The following JARID2 variants were observed in gnomAD, a reference collection of about 807,000 sequenced individuals.
JARID2 encodes the protein jumonji and AT-rich interaction domain containing 2, also known as protein Jumonji.
JARID2 carries 21 observed loss-of-function variants against 125.6 expected under a neutral mutation model. That is an observed-to-expected ratio of 0.17 (90% CI 0.12 to 0.24). The LOEUF (loss-of-function observed/expected upper bound fraction) is 0.24, where lower values mean the gene tolerates loss of function less well. Among genes scored for constraint, JARID2 ranks in the 10% least tolerant of loss-of-function variants. The pLI is 1.00. For synonymous variants in JARID2, 736 were observed against 661.6 expected (o/e 1.11, Z -1.73); for missense variants, 1,303 against 1,639.6 (o/e 0.79, Z 3.55).
At chr6:15,408,812 AAC>A (rs1765755708) in intron 2 of JARID2, among the ~76,000 whole-genome samples, 1 of 152,210 alleles carries the variant, frequency 6.6e-6, no homozygotes, top group Admixed American at 6.5e-5. Context: ...CAATCTCTGA[AAC>A]ACTGGCCACG....
chr6:15,316,978 A>T (rs1030048497), intron 1 of JARID2, among the ~76,000 whole-genome samples: 1 of 152,198 alleles, frequency 6.6e-6, no homozygotes, highest in African/African-American at 2.4e-5. Context: ...TACCTTTGTT[A>T]TAGAGTTGCT....
chr6:15,249,654 C>A (rs1757355745), intron 1 of JARID2, among the ~76,000 whole-genome samples: 1 of 152,172 alleles, frequency 6.6e-6, no homozygotes, highest in African/African-American at 2.4e-5. Flanking sequence ...GAAGGCAGCA[C>A]GTTTCCCACA....
chr6:15,377,942 G>A (rs1764425699), intron 2 of JARID2, among the ~76,000 whole-genome samples: 1 of 150,364 alleles, frequency 6.7e-6, no homozygotes, highest in African/African-American at 2.5e-5. Context: ...CTGGAGTACA[G>A]TGGCGCTATC....
intron 1 of JARID2, among the ~76,000 whole-genome samples, chr6:15,276,899 C>A (rs1478507917): frequency 6.6e-6 from 1 of 152,070 alleles, no homozygotes; most frequent in African/African-American, 2.4e-5. Context: ...GGACCTTCCC[C>A]CAAGTTACAA....
intron 3 of JARID2, among the ~76,000 whole-genome samples, chr6:15,416,102 G>T (rs1484896028): frequency 6.6e-6 from 1 of 152,042 alleles, no homozygotes; most frequent in African/African-American, 2.4e-5. Context: ...CGGCTGGGCA[G>T]AGACTCTCCT....
intron 3 of JARID2, among the ~76,000 whole-genome samples, chr6:15,422,674 C>A (rs1489703592): frequency 1.3e-5 from 2 of 152,192 alleles, no homozygotes; most frequent in Non-Finnish European, 2.9e-5. Context: ...ACTTCTGCTT[C>A]CCCATCAGGA....
At chr6:15,437,946 C>T (rs1003950687) in intron 3 of JARID2, among the ~76,000 whole-genome samples, 1 of 152,102 alleles carries the variant, frequency 6.6e-6, no homozygotes, top group Non-Finnish European at 1.5e-5. Context: ...TAAGTGGGCC[C>T]TTAGCAGAAT....
At chr6:15,492,409 T>G (rs1770196082) in intron 6 of JARID2, among the ~76,000 whole-genome samples, 1 of 152,216 alleles carries the variant, frequency 6.6e-6, no homozygotes, top group African/African-American at 2.4e-5. Context: ...GTGCACTGGC[T>G]GCATAACTGG....
intron 12 of JARID2, among the ~76,000 whole-genome samples, chr6:15,510,855 G>A (rs775115422): frequency 2.8e-4 from 43 of 152,354 alleles, no homozygotes; most frequent in Non-Finnish European, 5.0e-4. Context: ...AGGGAGCCAC[G>A]TATTCCTTGT....
At chr6:15,416,326 C>T (rs1408387381) in intron 3 of JARID2, among the ~76,000 whole-genome samples, 3 of 152,158 alleles carry the variant, frequency 2.0e-5, no homozygotes, top group African/African-American at 4.8e-5. Flanking sequence ...CTTTGGGAGG[C>T]CAAGGCAGGC....
At chr6:15,393,035 T>C (rs1194849080) in intron 2 of JARID2, among the ~76,000 whole-genome samples, 1 of 152,140 alleles carries the variant, frequency 6.6e-6, no homozygotes, top group Non-Finnish European at 1.5e-5. Flanking sequence ...TAAAAAGCCA[T>C]GCGTGGATAG....
At chr6:15,247,016 G>T (rs1326035028) in intron 1 of JARID2, among the ~76,000 whole-genome samples, 1 of 152,184 alleles carries the variant, frequency 6.6e-6, no homozygotes, top group Non-Finnish European at 1.5e-5. Flanking sequence ...AGCCCTTTAA[G>T]TTGCGATCGA....
At chr6:15,321,226 C>G (rs1762343375) in intron 1 of JARID2, among the ~76,000 whole-genome samples, 1 of 152,084 alleles carries the variant, frequency 6.6e-6, no homozygotes, top group Non-Finnish European at 1.5e-5. Flanking sequence ...TCAGTATAAT[C>G]ATACACCTTC....
chr6:15,494,955 G>T (rs1390203585), intron 6 of JARID2, among the ~76,000 whole-genome samples: 1 of 152,042 alleles, frequency 6.6e-6, no homozygotes, highest in Middle Eastern at 3.2e-3. Flanking sequence ...GAGAAGAGGG[G>T]GCTAGTATTC....
chr6:15,415,561 A>ACCTCCCGGGCAGAGGCGCCCCTCC (rs1766122570), intron 3 of JARID2, among the ~76,000 whole-genome samples: 1 of 132,918 alleles, frequency 7.5e-6, no homozygotes, highest in Non-Finnish European at 1.5e-5. Context: ...GGCGCCCCTC[A>ACCTCCCGGGCAGAGGCGCCCCTCC]CCTCCCGGAC....
intron 2 of JARID2, among the ~76,000 whole-genome samples, chr6:15,403,649 A>G (rs898848110): frequency 6.6e-6 from 1 of 152,218 alleles, no homozygotes; most frequent in East Asian, 1.9e-4. Flanking sequence ...CATGTTAATA[A>G]TGAACACTGT....
At chr6:15,392,236 C>G (rs1336581175) in intron 2 of JARID2, among the ~76,000 whole-genome samples, 1 of 152,102 alleles carries the variant, frequency 6.6e-6, no homozygotes, top group Admixed American at 6.5e-5. Flanking sequence ...TTGGGATATT[C>G]GTTTGTATAC....
intron 3 of JARID2, among the ~76,000 whole-genome samples, chr6:15,422,718 A>G (rs1766553681): frequency 1.3e-5 from 2 of 152,348 alleles, no homozygotes; most frequent in East Asian, 1.9e-4. Context: ...TACACAATAG[A>G]TGAAGCTGGT....
chr6:15,321,503 C>G (rs913863760), intron 1 of JARID2, among the ~76,000 whole-genome samples: 1 of 152,110 alleles, frequency 6.6e-6, no homozygotes, highest in African/African-American at 2.4e-5. Flanking sequence ...TACTTCTGCT[C>G]TGTTTCTTAA....
Sources: gnomAD v4.1 joint callset for allele counts (sites outside exome capture counted in the v4.1 genomes callset) on GRCh38, gnomAD v4.1.1 for gene constraint, MANE v1.5 for transcripts, NCBI Gene and HGNC (gene_info 2026-07-23, HGNC 2026-07-21) for gene names.